Variants in XXYLT1 observed in about 807,000 individuals in gnomAD.
XXYLT1 encodes the protein xyloside xylosyltransferase 1.
Under a neutral mutation model 28.9 loss-of-function variants are expected in XXYLT1, and 20 were observed. The observed-to-expected ratio is 0.69, with a 90% CI of 0.49 to 1.00. The LOEUF (loss-of-function observed/expected upper bound fraction) is 1.00, where lower values mean the gene tolerates loss of function less well. XXYLT1 is among the 50% of genes least tolerant of loss of function. The pLI, the probability that XXYLT1 is intolerant of heterozygous loss-of-function variation, is 0.00. For synonymous variants in XXYLT1, 257 were observed against 253.8 expected, an observed-to-expected ratio of 1.01 and a Z score of -0.12; for missense variants, 542 against 560.1, an observed-to-expected ratio of 0.97 and a Z score of 0.33.
Position 195,270,643 on chromosome 3 carries a change from A to C in XXYLT1, c.416T>G (p.Leu139Arg). 1 of 1,560,346 alleles carries C rather than the reference A, an allele frequency of 6.4e-7. No individual in the cohort carries two copies. Among genetic ancestry groups the C allele is most frequent in the Non-Finnish European group, 8.6e-7 (1 of 1,158,540 alleles). The change falls in exon 1 of 4, where the codon CTT becomes CGT. Residue 139 changes from leucine to arginine, a missense_variant. By Grantham distance (102) the Leu-to-Arg change is moderately radical. Transcript: ENST00000310380. The stretch of plus-strand genomic sequence containing the variant: ...GCTGGCCTCCTCGCTCACGAAGTGA[A>C]GGTTAAGCACCTCGTGCGCCTCGAA... ...AKFEAHEVLNLHFVSEEASRE... is the reference protein window; with the variant it reads ...AKFEAHEVLNRHFVSEEASRE...
chr3:195,189,062 C>T (rs1722317407), intron 2 of XXYLT1, among the ~76,000 whole-genome samples: 1 of 152,204 alleles, frequency 6.6e-6, no homozygotes, highest in Non-Finnish European at 1.5e-5. Context: ...AGTCCCTACA[C>T]TGAGTGATTT....
chr3:195,153,850 C>A (rs191919115), intron 3 of XXYLT1: 3 of 152,352 alleles, frequency 2.0e-5, no homozygotes, highest in African/African-American at 7.2e-5. Context: ...TTAAACACCC[C>A]ATGACGTCAG....
intron 3 of XXYLT1, among the ~76,000 whole-genome samples, chr3:195,132,505 GTGCTTGGCGCATGACACA>G (rs1294566382): frequency 2.0e-5 from 3 of 152,072 alleles, no homozygotes; most frequent in Non-Finnish European, 4.4e-5. Flanking sequence ...GCTTAGAACA[GTGCTTGGCGCATGACACA>G]CATTCATTAA....
intron 2 of XXYLT1, among the ~76,000 whole-genome samples, chr3:195,212,891 C>A (rs1723388100): frequency 6.6e-6 from 1 of 152,214 alleles, no homozygotes; most frequent in Admixed American, 6.5e-5. Flanking sequence ...GGTTGAGATC[C>A]TCTGAAGCCA....
At chr3:195,149,574 G>A (rs755551088) in intron 3 of XXYLT1, among the ~76,000 whole-genome samples, 8 of 152,278 alleles carry the variant, frequency 5.3e-5, no homozygotes, top group African/African-American at 7.2e-5. Context: ...GGGCTGCCTC[G>A]GGCACAGTCC....
intron 3 of XXYLT1, among the ~76,000 whole-genome samples, chr3:195,145,542 C>CTT (rs1719797374): frequency 3.1e-5 from 4 of 130,048 alleles, no homozygotes; most frequent in African/African-American, 1.1e-4. Context: ...CTCTGTGAAG[C>CTT]CACATGAACG....
Position 195,077,148 on chromosome 3 carries a change from G to A in XXYLT1, c.786-7037C>T, listed in dbSNP as rs1715167507. ...TGCTCTCAGTGGGTGGAGACAGAAT[G>A]ACCCACAGTGGGCGGGGCAGCCTCT... is the stretch of plus-strand genomic sequence containing the variant. On this transcript the variant is annotated intron_variant, in intron 3 of 3. Coordinates refer to ENST00000310380, the MANE Select transcript of XXYLT1 (RefSeq NM_152531.5). The surrounding 1 kb of genome is among the most constrained non-coding windows in gnomAD (Gnocchi z 4.8). Among the ~76,000 whole-genome samples, 1 of 152,176 alleles carries A rather than the reference G, an allele frequency of 6.6e-6. No homozygotes were observed. The highest frequency in any genetic ancestry group is 2.4e-5 in the African/African-American group (1 of 41,430).
Position 195,270,677 on chromosome 3 carries a change from G to A in XXYLT1, c.382C>T (p.Leu128Phe), listed in dbSNP as rs754579498. Residue 128 changes from leucine to phenylalanine, a missense_variant, in exon 1 of 4, where the codon CTC becomes TTC. Leu to Phe is a conservative substitution (Grantham distance 22). Transcript: ENST00000310380. ...ACCTCGTGCGCCTCGAACTTGGCGA[G>A]GCGCAGCAGTGAGCGCAGCGCGACG... ...ARVALRSLLR[L>F]AKFEAHEVLN... 14 of 1,585,136 alleles carry A rather than the reference G, an allele frequency of 8.8e-6. No individual in the cohort carries two copies. Among genetic ancestry groups the A allele is most frequent in the Non-Finnish European group, 1.7e-6 (2 of 1,171,076 alleles).
chr3:195,177,848 T>C (rs190086581), intron 2 of XXYLT1, among the ~76,000 whole-genome samples: 13 of 151,808 alleles, frequency 8.6e-5, no homozygotes, highest in African/African-American at 2.7e-4. Flanking sequence ...AGTGGGGTAA[T>C]TGCTTGAGTC....
chr3:195,170,772 G>C (rs144408919), intron 2 of XXYLT1, among the ~76,000 whole-genome samples: 1 of 152,298 alleles, frequency 6.6e-6, no homozygotes, highest in Non-Finnish European at 1.5e-5. Context: ...AGCCAGAGCA[G>C]TGACTGTCAC....
intron 3 of XXYLT1, among the ~76,000 whole-genome samples, chr3:195,088,000 C>T (rs779344773): frequency 2.0e-5 from 3 of 151,998 alleles, no homozygotes; most frequent in Non-Finnish European, 4.4e-5. Flanking sequence ...CGGCGCACCA[C>T]GAGATTACAT....
chr3:195,113,795 G>C (rs556688967), intron 3 of XXYLT1, among the ~76,000 whole-genome samples: 1 of 152,250 alleles, frequency 6.6e-6, no homozygotes, highest in Admixed American at 6.5e-5. Context: ...GTGGCCAGGA[G>C]AAAAGGGTGG....
chr3:195,167,576 A>G (rs1721192304), intron 2 of XXYLT1, among the ~76,000 whole-genome samples: 1 of 152,184 alleles, frequency 6.6e-6, no homozygotes, highest in African/African-American at 2.4e-5. Flanking sequence ...GGGCGACAAG[A>G]GTGAAACTCC....
At position 195,252,692 on chromosome 3, in the gene XXYLT1, C is replaced by CCACACACACACA. The variant is rs774827660; in HGVS notation, c.504+17851_504+17862dup. On this transcript the variant is annotated intron_variant, in intron 1 of 3. Coordinates refer to ENST00000310380, the MANE Select transcript of XXYLT1 (RefSeq NM_152531.5). Reference sequence around the variant, plus strand: ...GAACAATTCAAAAGAAGAAAAAAAACCACACACACACACACACACACACAC... The same window carrying CCACACACACACA: ...GAACAATTCAAAAGAAGAAAAAAAACCACACACACACACACACACACACACACACACACACAC... 8.4e-3 allele frequency among the ~76,000 whole-genome samples: 706 copies of CCACACACACACA among 84,024 alleles called. 8 individuals carry two copies. The highest frequency in any genetic ancestry group is 0.068 in the East Asian group (152 of 2,228). The allele number at this position is 84,024 out of a possible 152,430, so 55.1% of individuals were successfully genotyped here.
At chr3:195,196,994 AC>A (rs1174526013) in intron 2 of XXYLT1, among the ~76,000 whole-genome samples, 1 of 152,184 alleles carries the variant, frequency 6.6e-6, no homozygotes, top group Non-Finnish European at 1.5e-5. Flanking sequence ...CAGCATAACC[AC>A]CCTGGATAGG....
At chr3:195,228,714 TC>T (rs1486955617) in intron 1 of XXYLT1, among the ~76,000 whole-genome samples, 1 of 151,924 alleles carries the variant, frequency 6.6e-6, no homozygotes, top group Non-Finnish European at 1.5e-5. Context: ...GGTCTCGATC[TC>T]CTGACCTCGT....
At chr3:195,145,720 A>G (rs982583003) in intron 3 of XXYLT1, among the ~76,000 whole-genome samples, 1 of 152,232 alleles carries the variant, frequency 6.6e-6, no homozygotes, top group Admixed American at 6.5e-5. Context: ...CCTCATAATG[A>G]GCGCTCGTCT....
At chr3:195,105,831 G>A (rs919864194) in intron 3 of XXYLT1, among the ~76,000 whole-genome samples, 5 of 152,262 alleles carry the variant, frequency 3.3e-5, no homozygotes, top group African/African-American at 1.2e-4. Context: ...GCCTCCCTGC[G>A]CTTCCCTCTC....
chr3:195,132,176 C>T (rs911060562), intron 3 of XXYLT1, among the ~76,000 whole-genome samples: 1 of 152,212 alleles, frequency 6.6e-6, no homozygotes, highest in Admixed American at 6.5e-5. Flanking sequence ...TGGCCATGAG[C>T]TTTTGCCTTT....
Sources: gnomAD v4.1 joint callset for allele counts (sites outside exome capture counted in the v4.1 genomes callset) on GRCh38, gnomAD v4.1.1 for gene constraint, Gnocchi (gnomAD v3.1) non-coding constraint, MANE v1.5 for transcripts, NCBI Gene and HGNC (gene_info 2026-07-23, HGNC 2026-07-21) for gene names.